The following COL19A1 variants were observed in gnomAD, a reference collection of about 807,000 sequenced individuals.
COL19A1 encodes collagen type XIX alpha 1 chain.
A neutral mutation model predicts 190.2 loss-of-function variants in COL19A1; 159 were observed. That is an observed-to-expected ratio of 0.84 (90% confidence interval 0.73 to 0.95). The LOEUF (loss-of-function observed/expected upper bound fraction) is 0.95. Among genes scored for constraint, COL19A1 ranks in the 40% least tolerant of loss-of-function variants. The pLI, the probability that COL19A1 is intolerant of heterozygous loss-of-function variation, is 0.00. For synonymous variants in COL19A1, 509 were observed against 458.9 expected (o/e 1.11, Z -1.39); for missense variants, 1,418 against 1,431.9 (o/e 0.99, Z 0.16).
At chr6:70,133,418 A>G (rs929353704) in intron 18 of COL19A1, among the ~76,000 whole-genome samples, 1 of 152,164 alleles carries the variant, frequency 6.6e-6, no homozygotes, top group African/African-American at 2.4e-5. Flanking sequence ...ACTTGCAGTA[A>G]ATGGCCATGG....
chr6:70,108,235 C>G (rs1784084193), intron 16 of COL19A1, among the ~76,000 whole-genome samples: 2 of 152,148 alleles, frequency 1.3e-5, no homozygotes, highest in Non-Finnish European at 2.9e-5. Context: ...AAAAACCACA[C>G]TAATTTAAAA....
chr6:70,125,083 C>CTGTTT (rs768506698), intron 17 of COL19A1, among the ~76,000 whole-genome samples: 2 of 140,624 alleles, frequency 1.4e-5, no homozygotes, highest in Non-Finnish European at 3.1e-5. Context: ...CTACCCCTGT[C>CTGTTT]TGTTTTTGGA....
At chr6:69,974,818 T>TC (rs1775620053) in intron 11 of COL19A1, among the ~76,000 whole-genome samples, 1 of 141,650 alleles carries the variant, frequency 7.1e-6, no homozygotes, top group African/African-American at 2.7e-5. Context: ...TTTTTTTTTT[T>TC]TTTTTTTTTT....
At chr6:70,016,364 A>G (rs1448408574) in intron 11 of COL19A1, among the ~76,000 whole-genome samples, 1 of 114,292 alleles carries the variant, frequency 8.7e-6, no homozygotes, top group Non-Finnish European at 1.7e-5. Context: ...CTTAGAGTAT[A>G]ATAAAAAAAA....
At chr6:70,160,046 A>T (rs1787697844) in intron 34 of COL19A1, among the ~76,000 whole-genome samples, 1 of 152,164 alleles carries the variant, frequency 6.6e-6, no homozygotes, top group African/African-American at 2.4e-5. Flanking sequence ...CCCTATTCCC[A>T]CTACCCAGGA....
intron 9 of COL19A1, among the ~76,000 whole-genome samples, chr6:69,948,910 C>A (rs575275690): frequency 2.1e-4 from 32 of 151,862 alleles, no homozygotes; most frequent in African/African-American, 7.7e-4. Flanking sequence ...CCCATTTGGT[C>A]AAAATGGTGA....
rs1375913771 is a variant in COL19A1, at chr6:70,171,987, G to A, written c.2592G>A (p.Leu864=). The change falls in exon 41 of 51, where the codon TTG becomes TTA. Residue 864 remains leucine, a synonymous_variant. Coordinates refer to ENST00000620364, the MANE Select transcript of COL19A1 (RefSeq NM_001858.6). ...GPVGEPGAMG[L]PGLEGFPGVK... is the part of the protein sequence containing the mutation. ...AGGGAGAGCCTGGTGCAATGGGGTTGCCAGGATTAGAAGGATTTCCAGGTG... is the reference window on the plus strand; with the variant it reads ...AGGGAGAGCCTGGTGCAATGGGGTTACCAGGATTAGAAGGATTTCCAGGTG... 1.2e-6 allele frequency: 2 copies of A among 1,611,510 alleles called. No homozygotes were observed. Among genetic ancestry groups the A allele is most frequent in the South Asian group, 1.1e-5 (1 of 90,184 alleles).
At chr6:70,117,029 A>T (rs1429001382) in intron 16 of COL19A1, among the ~76,000 whole-genome samples, 2 of 152,216 alleles carry the variant, frequency 1.3e-5, no homozygotes, top group Admixed American at 6.5e-5. Context: ...ATGAAGAGGT[A>T]CAGGGTACTT....
chr6:70,144,881 G>A, intron 24 of COL19A1, 37 bp from the exon 25 acceptor site: 1 of 1,318,310 alleles, frequency 7.6e-7, no homozygotes, highest in Non-Finnish European at 1.1e-6. Context: ...CCATGAACCT[G>A]AGCATCAAAG....
rs1422876321 is a variant in COL19A1, at chr6:70,149,912, C to T, written c.1983+8C>T. The T allele has an allele frequency of 1.2e-6, 2 of 1,613,822 alleles. No individual in the cohort carries two copies. The highest frequency in any genetic ancestry group is 2.2e-5 in the East Asian group (1 of 44,844). On this transcript the variant is annotated splice_region_variant and intron_variant, in intron 29 of 50. Coordinates refer to ENST00000620364, the MANE Select transcript of COL19A1 (RefSeq NM_001858.6). ...GGGACTCCAGGGAATGATGTAAGGA[C>T]TTTCTTTATCTACCCTCCCCCATTT...
intron 4 of COL19A1, among the ~76,000 whole-genome samples, chr6:69,922,136 A>G (rs1187673094): frequency 6.6e-6 from 1 of 151,430 alleles, no homozygotes; most frequent in East Asian, 1.9e-4. Context: ...GTAAGAGTAG[A>G]TTTTTTTTTA....
At position 69,867,831 on chromosome 6, in the gene COL19A1, C is replaced by T. The variant is rs571724038; in HGVS notation, c.-33+1191C>T. ...GGGCTGGAGAGCAAAAAGAGGAGGG[C>T]CCAGAATGCTGATAATAAGTAGTTT... On this transcript the variant is annotated intron_variant, in intron 1 of 50. Coordinates refer to ENST00000620364, the MANE Select transcript of COL19A1 (RefSeq NM_001858.6). Among the ~76,000 whole-genome samples, 22 of 152,130 alleles carry T rather than the reference C, an allele frequency of 1.4e-4. No individual in the cohort carries two copies. The East Asian group carries it at 1.9e-3, about 13-fold the overall frequency.
intron 15 of COL19A1, among the ~76,000 whole-genome samples, chr6:70,085,788 T>C (rs972576549): frequency 2.0e-5 from 3 of 152,142 alleles, no homozygotes; most frequent in African/African-American, 7.2e-5. Context: ...CCTGGATCAC[T>C]AGACCCAAAT....
chr6:70,030,683 A>G (rs1779010809), intron 12 of COL19A1, among the ~76,000 whole-genome samples: 1 of 152,210 alleles, frequency 6.6e-6, no homozygotes, highest in Admixed American at 6.5e-5. Context: ...TTACACAAGC[A>G]AAAAGAGAAA....
intron 3 of COL19A1, among the ~76,000 whole-genome samples, chr6:69,899,717 T>G (rs1351689654): frequency 6.6e-6 from 1 of 152,196 alleles, no homozygotes; most frequent in Non-Finnish European, 1.5e-5. Context: ...TTTCTCCTTC[T>G]TTTCCTCCTC....
At chr6:70,170,562 C>CA (rs3840406) in intron 40 of COL19A1, among the ~76,000 whole-genome samples, 115,860 of 152,016 alleles carry the variant, frequency 0.76, 45,007 homozygotes, top group African/African-American at 0.91. Flanking sequence ...TTGCTACTTT[C>CA]AACAAATGTT....
At chr6:70,052,218 C>A (rs138635365) in intron 14 of COL19A1, among the ~76,000 whole-genome samples, 5 of 151,972 alleles carry the variant, frequency 3.3e-5, no homozygotes, top group Non-Finnish European at 7.4e-5. Flanking sequence ...TATTTAGGAC[C>A]ATGTCAAGGA....
intron 14 of COL19A1, among the ~76,000 whole-genome samples, chr6:70,040,702 AAAT>A (rs1441463853): frequency 1.3e-5 from 2 of 152,228 alleles, no homozygotes; most frequent in Non-Finnish European, 2.9e-5. Flanking sequence ...AAAGGAAAAA[AAAT>A]AATAAGAGAA....
intron 14 of COL19A1, among the ~76,000 whole-genome samples, chr6:70,054,642 T>C (rs916125622): frequency 2.0e-5 from 3 of 152,146 alleles, no homozygotes; most frequent in Admixed American, 6.6e-5. Flanking sequence ...GTAAATTCAT[T>C]TACAGGATTA....
Sources: gnomAD v4.1 joint callset for allele counts (sites outside exome capture counted in the v4.1 genomes callset) on GRCh38, gnomAD v4.1.1 for gene constraint, MANE v1.5 for transcripts, NCBI Gene and HGNC (gene_info 2026-07-23, HGNC 2026-07-21) for gene names.